The following C1orf94 variants were observed in gnomAD, a reference collection of about 807,000 sequenced individuals.
C1orf94 encodes the protein uncharacterized protein C1orf94.
C1orf94 carries 45 observed loss-of-function variants against 53.6 expected under a neutral mutation model. That is an observed-to-expected ratio of 0.84 (90% CI 0.66 to 1.08). The LOEUF (loss-of-function observed/expected upper bound fraction) is 1.08, where lower values mean the gene tolerates loss of function less well. Among genes scored for constraint, C1orf94 ranks in the 50% least tolerant of loss-of-function variants. The pLI, the probability that C1orf94 is intolerant of heterozygous loss-of-function variation, is 0.00. For missense variants in C1orf94, 762 were observed against 738.9 expected, an observed-to-expected ratio of 1.03 and a Z score of -0.36; for synonymous variants, 304 against 296.1, an observed-to-expected ratio of 1.03 and a Z score of -0.27.
rs1317627440 is a variant in C1orf94, at chr1:34,197,188, G to C, written c.321-37G>C. 21 of 1,469,430 alleles carry C rather than the reference G, an allele frequency of 1.4e-5. No homozygotes were observed. The highest frequency in any genetic ancestry group is 1.7e-5 in the Non-Finnish European group (19 of 1,104,842). 91.0% of individuals were successfully genotyped at this position (1,469,430 alleles called of 1,614,324 possible). A position where few individuals can be genotyped will look rare whatever the true frequency, so the allele number is the denominator to read the frequency against. On this transcript the variant is annotated intron_variant, in intron 1 of 6. Coordinates refer to ENST00000488417, the MANE Select transcript of C1orf94 (RefSeq NM_001134734.2). The surrounding 1 kb of genome is among the most constrained non-coding windows in gnomAD (Gnocchi z 4.1). ...CTGCAAAGCCACGCCTTGGTGAGCT[G>C]GCACTAACACCGTCTGTCTCTCTGA...
intron 1 of C1orf94, among the ~76,000 whole-genome samples, chr1:34,170,947 T>C (rs1642137222): frequency 6.6e-6 from 1 of 152,174 alleles, no homozygotes; most frequent in Non-Finnish European, 1.5e-5. Context: ...ATGGCTATGT[T>C]TCAGGTTACT....
intron 6 of C1orf94, among the ~76,000 whole-genome samples, chr1:34,214,437 A>C (rs1454672902): frequency 3.3e-5 from 5 of 152,198 alleles, no homozygotes; most frequent in Non-Finnish European, 5.9e-5. Flanking sequence ...TAAGAGAAAG[A>C]GGAAGCAGGA....
At chr1:34,216,038 C>CA (rs1425618066) in intron 6 of C1orf94, among the ~76,000 whole-genome samples, 1 of 151,660 alleles carries the variant, frequency 6.6e-6, no homozygotes, top group African/African-American at 2.4e-5. Flanking sequence ...AACAAACAAA[C>CA]AAAAAACAAA....
intron 1 of C1orf94, among the ~76,000 whole-genome samples, chr1:34,181,651 A>G (rs918065012): frequency 2.6e-5 from 4 of 152,238 alleles, no homozygotes; most frequent in Admixed American, 1.3e-4. Context: ...AAAAGCTATG[A>G]TATCTTCAGA....
At chr1:34,193,068 G>C (rs1642519378) in intron 1 of C1orf94, among the ~76,000 whole-genome samples, 1 of 152,190 alleles carries the variant, frequency 6.6e-6, no homozygotes, top group Admixed American at 6.5e-5. Context: ...AGAACAAGCA[G>C]ATCTTGTTTT....
Position 34,197,762 on chromosome 1 carries a change from G to C in C1orf94, c.858G>C (p.Leu286=). The C allele has an allele frequency of 6.2e-7, 1 of 1,614,170 alleles. No homozygotes were observed. The highest frequency in any genetic ancestry group is 8.5e-7 in the Non-Finnish European group (1 of 1,180,012). ...CTGGACCCAAGGAGCCCACAGGGCT[G>C]AGCCCATTTCTGCTGCTGCCTCCCC... ...SGPGPKEPTG[L]SPFLLLPPRP... Residue 286 remains leucine (L), a synonymous_variant, in exon 2 of 7, where the codon CTG becomes CTC. Transcript: ENST00000488417. The surrounding 1 kb of genome is among the most constrained non-coding windows in gnomAD (Gnocchi z 4.1).
chr1:34,188,012 G>A (rs1571339267), intron 1 of C1orf94, among the ~76,000 whole-genome samples: 1 of 151,976 alleles, frequency 6.6e-6, no homozygotes, highest in East Asian at 1.9e-4. Flanking sequence ...TCAAAACCAG[G>A]GTGAAGAAAT....
intron 4 of C1orf94, among the ~76,000 whole-genome samples, chr1:34,207,742 C>T (rs1164830320): frequency 6.6e-6 from 1 of 152,190 alleles, no homozygotes; most frequent in African/African-American, 2.4e-5. Context: ...TAGGGGAAGG[C>T]ATTTAGAAAA....
chr1:34,187,320 A>C (rs572836144), intron 1 of C1orf94, among the ~76,000 whole-genome samples: 1 of 152,254 alleles, frequency 6.6e-6, no homozygotes, highest in African/African-American at 2.4e-5. Context: ...ATGTGGCTTC[A>C]AGGCTTGAGT....
chr1:34,194,123 C>T (rs746959851), intron 1 of C1orf94, among the ~76,000 whole-genome samples: 7 of 152,088 alleles, frequency 4.6e-5, no homozygotes, highest in Non-Finnish European at 8.8e-5. Flanking sequence ...GTTCTGGATG[C>T]CTGTGAGGAA....
intron 1 of C1orf94, among the ~76,000 whole-genome samples, chr1:34,186,976 A>G (rs113052091): frequency 0.017 from 2,571 of 152,326 alleles, 86 homozygotes; most frequent in African/African-American, 0.059. Flanking sequence ...TGAATAAGCC[A>G]TAAAACTGCC....
At position 34,179,791 on chromosome 1, in the gene C1orf94, T is replaced by A. The variant is rs541647707; in HGVS notation, c.320+1682T>A. Among the ~76,000 whole-genome samples the A allele has an allele frequency of 8.1e-4, 124 of 152,298 alleles. 1 individual carries two copies. The highest frequency in any genetic ancestry group is 1.5e-3 in the Non-Finnish European group (101 of 68,016). ...CTTCAATCTGGGGTTCACACTATGC[T>A]CCATATACCTCAAGGTGCTTCAGGG... On this transcript the variant is annotated intron_variant, in intron 1 of 6. Coordinates refer to ENST00000488417, the MANE Select transcript of C1orf94 (RefSeq NM_001134734.2).
chr1:34,197,481 G>A lies in C1orf94; in HGVS notation c.577G>A (p.Val193Ile), dbSNP rs773093561. 71 of 1,613,990 alleles carry A rather than the reference G, an allele frequency of 4.4e-5. No homozygotes were observed. The highest frequency in any genetic ancestry group is 1.6e-4 in the Middle Eastern group (1 of 6,084). ...KLLKQKVAMPVISSRQDCDSA... is the reference protein window; with the variant it reads ...KLLKQKVAMPIISSRQDCDSA... ...TCTGAAGCAGAAGGTGGCCATGCCC[G>A]TTATCAGCAGCAGGCAGGACTGTGA... The change falls in exon 2 of 7, where the codon GTT (valine) becomes ATT (isoleucine). Residue 193 changes from valine to isoleucine, a missense_variant. Val to Ile is a conservative substitution (Grantham distance 29). Transcript: ENST00000488417. The surrounding 1 kb of genome is among the most constrained non-coding windows in gnomAD (Gnocchi z 4.1).
intron 2 of C1orf94, among the ~76,000 whole-genome samples, chr1:34,199,916 C>A (rs1642670935): frequency 6.6e-6 from 1 of 152,218 alleles, no homozygotes; most frequent in Admixed American, 6.5e-5. Flanking sequence ...TGCAACCCTA[C>A]TTCCTTCTGG....
intron 6 of C1orf94, among the ~76,000 whole-genome samples, chr1:34,215,743 C>T (rs1229361294): frequency 5.3e-5 from 8 of 152,180 alleles, no homozygotes; most frequent in South Asian, 2.1e-4. Flanking sequence ...CAGTGGCTCA[C>T]GCCTGTAATC....
chr1:34,200,661 AG>A, intron 2 of C1orf94, 110 bp from the exon 3 acceptor site: 1 of 1,462,646 alleles, frequency 6.8e-7, no homozygotes. Flanking sequence ...AAGTGGTCCA[AG>A]CCTCAGGTGT....
rs767329804 is a variant in C1orf94 at position 34,177,876 on chromosome 1, G to T, written c.87G>T (p.Gly29=). ...KERRRMASGN[G]LPSSSALVAK... ...GGAGGAGGATGGCCAGCGGGAATGG[G>T]CTTCCTTCATCCTCGGCCCTGGTGG... The change falls in exon 1 of 7, where the codon GGG becomes GGT. Residue 29 remains glycine (G), a synonymous_variant. Transcript: ENST00000488417. 6.1e-5 allele frequency: 95 copies of T among 1,551,432 alleles called. No homozygotes were observed. Among genetic ancestry groups the T allele is most frequent in the Non-Finnish European group, 8.1e-5 (93 of 1,146,890 alleles).
chr1:34,216,521 G>C (rs540281936), intron 6 of C1orf94, among the ~76,000 whole-genome samples: 37 of 152,144 alleles, frequency 2.4e-4, no homozygotes, highest in Non-Finnish European at 5.1e-4. Context: ...TCAAGGTGAG[G>C]CTGCACCTGG....
intron 1 of C1orf94, among the ~76,000 whole-genome samples, chr1:34,184,955 T>C (rs1642363376): frequency 6.6e-6 from 1 of 152,176 alleles, no homozygotes. Flanking sequence ...CTGAAGATCT[T>C]TGGAGTCTAA....
Sources: gnomAD v4.1 joint callset for allele counts (sites outside exome capture counted in the v4.1 genomes callset) on GRCh38, gnomAD v4.1.1 for gene constraint, Gnocchi (gnomAD v3.1) non-coding constraint, MANE v1.5 for transcripts, NCBI Gene and HGNC (gene_info 2026-07-23, HGNC 2026-07-21) for gene names.